Variants in PTK2 observed in about 807,000 individuals in gnomAD.
PTK2 encodes the protein protein tyrosine kinase 2.
A neutral mutation model predicts 150.1 loss-of-function variants in PTK2; 45 were observed. The ratio of observed to expected loss-of-function variants is 0.30; its 90% CI spans 0.24 to 0.38. The LOEUF (loss-of-function observed/expected upper bound fraction) is 0.38, where lower values mean the gene tolerates loss of function less well. Ranked by LOEUF, PTK2 falls within the 10% of genes least tolerant of loss-of-function variation. The probability of loss-of-function intolerance (pLI) is 1.00; values close to 1 mark genes in which losing one functional copy is unlikely to be tolerated. For missense variants in PTK2, 919 were observed against 1,307.3 expected (o/e 0.70, Z 4.58); for synonymous variants, 432 against 449.2 (o/e 0.96, Z 0.48).
chr8:140,668,628 T>C (rs2093810770), intron 29 of PTK2: 1 of 531,096 alleles, frequency 1.9e-6, no homozygotes, highest in Non-Finnish European at 3.2e-6. Flanking sequence ...ATTTTCTTTC[T>C]AACTTTGAGC....
intron 8 of PTK2, among the ~76,000 whole-genome samples, chr8:140,825,539 T>A (rs779259196): frequency 3.3e-5 from 5 of 152,218 alleles, no homozygotes; most frequent in Admixed American, 6.5e-5. Flanking sequence ...CTACTGTGCA[T>A]TATATTGCAA....
chr8:140,900,032 C>A (rs562710157), intron 2 of PTK2, among the ~76,000 whole-genome samples: 15 of 152,246 alleles, frequency 9.9e-5, no homozygotes, highest in Non-Finnish European at 4.4e-5. Flanking sequence ...CTTTCCTCTG[C>A]GATCTGAAAC....
intron 20 of PTK2, among the ~76,000 whole-genome samples, chr8:140,739,869 T>G (rs1013381422): frequency 6.6e-6 from 1 of 152,156 alleles, no homozygotes; most frequent in Non-Finnish European, 1.5e-5. Context: ...GCTGCATATG[T>G]GGGTATTAGG....
chr8:140,670,987 G>A (rs2095286007), intron 29 of PTK2, among the ~76,000 whole-genome samples: 1 of 152,162 alleles, frequency 6.6e-6, no homozygotes, highest in African/African-American at 2.4e-5. Flanking sequence ...ATTCCAGAAG[G>A]GAAAGCTGTT....
rs1175757374 is a variant in PTK2, at chr8:140,762,523, G to T, written c.1235-1261C>A. 12 of 283,934 alleles carry T rather than the reference G, an allele frequency of 4.2e-5. No individual in the cohort carries two copies. The East Asian group carries it at 2.0e-3, about 48-fold the overall frequency. 17.6% of individuals were successfully genotyped at this position (283,934 alleles called of 1,614,324 possible). The stretch of plus-strand genomic sequence containing the variant: ...TTTAAAATATTTTAAGCACAAATAT[G>T]AATTTTAAAGAACTAAATACAAGTA... On this transcript the variant is annotated intron_variant, in intron 15 of 31. Coordinates refer to ENST00000522684, the Ensembl canonical transcript of PTK2.
At chr8:140,721,080 T>TA (rs905565677) in intron 22 of PTK2, among the ~76,000 whole-genome samples, 12 of 152,124 alleles carry the variant, frequency 7.9e-5, no homozygotes, top group African/African-American at 2.7e-4. Context: ...TCTTTATTTT[T>TA]TTTTTTTTAA....
intron 2 of PTK2, chr8:140,920,964 T>C: frequency 1.4e-6 from 2 of 1,397,412 alleles, no homozygotes; most frequent in Non-Finnish European, 1.8e-6. Flanking sequence ...AAAGTCCCAG[T>C]TCCTCGCTGT....
intron 3 of PTK2, among the ~76,000 whole-genome samples, chr8:140,888,304 T>C (rs774275033): frequency 1.3e-5 from 2 of 152,230 alleles, no homozygotes; most frequent in Non-Finnish European, 2.9e-5. Context: ...TCAAATGTTA[T>C]AGCATTAAAG....
intron 14 of PTK2, among the ~76,000 whole-genome samples, chr8:140,775,449 C>T (rs1330911645): frequency 2.0e-5 from 3 of 152,054 alleles, no homozygotes; most frequent in African/African-American, 7.2e-5. Flanking sequence ...CACGCCACTG[C>T]ACTCCAGTCT....
chr8:140,802,599 T>A (rs2154594023), intron 11 of PTK2, among the ~76,000 whole-genome samples: 1 of 152,338 alleles, frequency 6.6e-6, no homozygotes, highest in Non-Finnish European at 1.5e-5. Flanking sequence ...CATTCATCCT[T>A]CACTCACTGA....
At chr8:140,989,212 T>TA (rs71310816) in intron 1 of PTK2, among the ~76,000 whole-genome samples, 1,747 of 60,568 alleles carry the variant, frequency 0.029, 157 homozygotes, top group African/African-American at 0.1. Flanking sequence ...ACCCTGTCTC[T>TA]AAAAAAAAAA....
intron 1 of PTK2, among the ~76,000 whole-genome samples, chr8:140,999,328 T>C (rs940328193): frequency 2.6e-5 from 4 of 152,252 alleles, no homozygotes; most frequent in Non-Finnish European, 5.9e-5. Flanking sequence ...GTGTTCATTA[T>C]TAAACTAGAT....
At chr8:140,661,631 A>T (rs2080157281) in intron 31 of PTK2, among the ~76,000 whole-genome samples, 3 of 152,228 alleles carry the variant, frequency 2.0e-5, no homozygotes, top group Admixed American at 2.0e-4. Context: ...TTAATAAAAC[A>T]AGTGGGTAGC....
intron 4 of PTK2, among the ~76,000 whole-genome samples, chr8:140,867,288 T>G (rs1267019789): frequency 6.6e-6 from 1 of 152,074 alleles, no homozygotes; most frequent in Non-Finnish European, 1.5e-5. Context: ...ACAGCAAGAT[T>G]CTGGGTGAGA....
Position 140,889,638 on chromosome 8 carries a change from AAAAG to A in PTK2, c.195+901_195+904del, listed in dbSNP as rs760550584. ...ATTAATTTACTTATTGTAAAAAAAA[AAAAG>A]AAAGAAAAGAAAAGAAAAAAGACGT... On this transcript the variant is annotated intron_variant, in intron 3 of 31. Transcript: ENST00000522684. Among the ~76,000 whole-genome samples the A allele has an allele frequency of 3.8e-4, 58 of 152,144 alleles. No homozygotes were observed. In the East Asian group the frequency reaches 5.0e-3, roughly 13 times the overall value.
At position 140,905,351 on chromosome 8, in the gene PTK2, C is replaced by CA. The variant is rs35398296; in HGVS notation, c.-32-14583dup. Among the ~76,000 whole-genome samples the CA allele has an allele frequency of 5.5e-3, 802 of 146,924 alleles. 9 individuals carry two copies. Among genetic ancestry groups the CA allele is most frequent in the African/African-American group, 0.018 (706 of 39,266 alleles). ...GAATATTTACCAAGCACATGGAAAG[C>CA]AAAAAAAAAAGCAGAGGTTGCAATC... On this transcript the variant is annotated intron_variant, in intron 2 of 31. Transcript: ENST00000522684.
intron 1 of PTK2, among the ~76,000 whole-genome samples, chr8:140,966,495 T>C (rs919544413): frequency 6.6e-6 from 1 of 152,128 alleles, no homozygotes; most frequent in African/African-American, 2.4e-5. Context: ...ATTTAATGCA[T>C]GTTGAATCCT....
At chr8:140,751,949 T>C (rs1325391020) in intron 17 of PTK2, 1 of 581,438 alleles carries the variant, frequency 1.7e-6, no homozygotes, top group Non-Finnish European at 3.3e-6. Context: ...GGATCACTTA[T>C]ATATCTGCAC....
intron 6 of PTK2, 92 bp from the exon 7 acceptor site, chr8:140,846,414 TAAAC>T (rs1018107146): frequency 1.0e-5 from 14 of 1,344,136 alleles, no homozygotes; most frequent in African/African-American, 1.5e-5. Context: ...ATCTGAATAA[TAAAC>T]AAAAATTAAC....
Sources: allele counts gnomAD v4.1 joint callset (sites outside exome capture counted in the v4.1 genomes callset), GRCh38; gene constraint gnomAD v4.1.1; transcripts MANE v1.5; gene names NCBI Gene and HGNC (gene_info 2026-07-23, HGNC 2026-07-21).